FBXO31: variants seen among roughly 807,000 people sequenced by gnomAD.
FBXO31 encodes F-box protein 31.
A neutral mutation model predicts 54.4 loss-of-function variants in FBXO31; 24 were observed. The observed-to-expected ratio is 0.44, with a 90% CI of 0.32 to 0.62. The LOEUF (loss-of-function observed/expected upper bound fraction) is 0.62. Among genes scored for constraint, FBXO31 ranks in the 20% least tolerant of loss-of-function variants. FBXO31 has a pLI of 0.05. For synonymous variants in FBXO31, 388 were observed against 335.6 expected (o/e 1.16, Z -1.71); for missense variants, 665 against 787.1 (o/e 0.84, Z 1.86).
chr16:87,343,236 C>A (rs56175306), intron 4 of FBXO31, among the ~76,000 whole-genome samples: 7 of 152,244 alleles, frequency 4.6e-5, no homozygotes, highest in Non-Finnish European at 1.0e-4. Flanking sequence ...CAAGGTGTGG[C>A]AGATGACACG....
intron 2 of FBXO31, 25 bp downstream of exon 2, chr16:87,360,270 G>C: frequency 6.2e-7 from 1 of 1,602,848 alleles, no homozygotes; most frequent in Non-Finnish European, 8.5e-7. Flanking sequence ...GTTAATCATG[G>C]ATGGTAACAA....
Position 87,336,639 on chromosome 16 carries a change from C to G in FBXO31, c.733-375G>C, listed in dbSNP as rs1905053559. ...CATCTACACAGACTCTGGCCCTGCA[C>G]AGCACAGCCCCTCAGCCTGCTTCTC... On this transcript the variant is annotated intron_variant, in intron 5 of 8. Coordinates refer to ENST00000311635, the MANE Select transcript of FBXO31 (RefSeq NM_024735.5). The surrounding 1 kb of genome is among the most constrained non-coding windows in gnomAD (Gnocchi z 6.5). Among the ~76,000 whole-genome samples the G allele has an allele frequency of 1.3e-5, 2 of 152,132 alleles. No homozygotes were observed. The highest frequency in any genetic ancestry group is 4.8e-5 in the African/African-American group (2 of 41,420).
At chr16:87,387,979 G>A (rs996413321), upstream of FBXO31, among the ~76,000 whole-genome samples, 8 of 152,308 alleles carry the variant, frequency 5.3e-5, no homozygotes, top group South Asian at 2.1e-4. Flanking sequence ...TAAAATAAGC[G>A]GGCTGATGGA....
Position 87,331,377 on chromosome 16 carries a change from G to A in FBXO31, c.1531C>T (p.Arg511Trp). Residue 511 changes from arginine (R) to tryptophan (W), a missense_variant, in exon 9 of 9, where the codon CGG becomes TGG. By Grantham distance (101) the Arg-to-Trp change is moderately radical. Transcript: ENST00000311635. ...LELKSFSLYS[R>W]VQATFRNADA... ...GCGTTCCGGAAGGTGGCCTGGACCC[G>A]GCTGTACAGGCTGAAGGATTTCAGC... The A allele has an allele frequency of 1.2e-6, 2 of 1,613,942 alleles. No individual in the cohort carries two copies. The highest frequency in any genetic ancestry group is 1.7e-6 in the Non-Finnish European group (2 of 1,180,036).
At chr16:87,389,818 G>A (rs1263706045) in exon 1 of FBXO31, 2 of 152,134 alleles carry the variant, frequency 1.3e-5, no homozygotes, top group Non-Finnish European at 2.9e-5. Context: ...TCATGTGAAG[G>A]CACAGCTTCA....
chr16:87,344,337 G>A (rs1309092245), intron 3 of FBXO31, among the ~76,000 whole-genome samples: 1 of 152,256 alleles, frequency 6.6e-6, no homozygotes, highest in Non-Finnish European at 1.5e-5. Flanking sequence ...GGGCGCTCAG[G>A]AGCGGGAAGA....
chr16:87,327,904 T>G lies in FBXO31; in HGVS notation c.*3384A>C, dbSNP rs978084805. The G allele has an allele frequency of 6.6e-6, 1 of 152,156 alleles. No individual in the cohort carries two copies. Among genetic ancestry groups the G allele is most frequent in the African/African-American group, 2.4e-5 (1 of 41,430 alleles). 9.4% of individuals were successfully genotyped at this position (152,156 alleles called of 1,614,324 possible). A position where few individuals can be genotyped will look rare whatever the true frequency, so the allele number is the denominator to read the frequency against. The stretch of plus-strand genomic sequence containing the variant: ...TACACCACGAAGGCAGCAACCAGAA[T>G]AGAAACATCCTAAAAGAGCCTAGCT... On this transcript the variant is annotated 3_prime_UTR_variant, in exon 9 of 9. Transcript: ENST00000311635.
chr16:87,372,848 T>G (rs1906660626), intron 1 of FBXO31, among the ~76,000 whole-genome samples: 2 of 151,718 alleles, frequency 1.3e-5, no homozygotes, highest in Non-Finnish European at 2.9e-5. Flanking sequence ...TTAGTTCTTC[T>G]GCCTCAGCCT....
At position 87,360,864 on chromosome 16, in the gene FBXO31, T is replaced by C. The variant is rs140488821; in HGVS notation, c.341-498A>G. ...CAAGACATGGGGGAAGGGGTGAACA[T>C]TGTCCCTTCTCCACTGGCTAGGCTT... On this transcript the variant is annotated intron_variant, in intron 1 of 8. Transcript: ENST00000311635. Among the ~76,000 whole-genome samples, 1,205 of 152,216 alleles carry C rather than the reference T, an allele frequency of 7.9e-3. 16 individuals carry two copies. Among genetic ancestry groups the C allele is most frequent in the African/African-American group, 0.026 (1,082 of 41,538 alleles).
chr16:87,379,973 G>A (rs924455920), intron 1 of FBXO31, among the ~76,000 whole-genome samples: 3 of 151,534 alleles, frequency 2.0e-5, no homozygotes, highest in Middle Eastern at 3.4e-3. Flanking sequence ...ACTCCAGCCT[G>A]GGCAAGAGAG....
chr16:87,385,797 T>G (rs1471778746), upstream of FBXO31, among the ~76,000 whole-genome samples: 1 of 151,910 alleles, frequency 6.6e-6, no homozygotes, highest in African/African-American at 2.4e-5. Context: ...TCACCTGAGG[T>G]TGGGAGTTCA....
At chr16:87,344,172 C>T (rs1905283753) in intron 3 of FBXO31, among the ~76,000 whole-genome samples, 1 of 152,266 alleles carries the variant, frequency 6.6e-6, no homozygotes, top group Admixed American at 6.5e-5. Context: ...GACCGTGTGC[C>T]ACTTTTGTCA....
chr16:87,335,487 G>C lies in FBXO31; in HGVS notation c.843-30C>G, dbSNP rs1248278885. 6.6e-7 allele frequency: 1 copy of C among 1,510,854 alleles called. No homozygotes were observed. Among genetic ancestry groups the C allele is most frequent in the Admixed American group, 1.8e-5 (1 of 56,796 alleles). The allele number at this position is 1,510,854 out of a possible 1,614,324, so 93.6% of individuals were successfully genotyped here. A position where few individuals can be genotyped will look rare whatever the true frequency, so the allele number is the denominator to read the frequency against. On this transcript the variant is annotated intron_variant, in intron 6 of 8. Transcript: ENST00000311635. This position sits in a 1 kb window ranked among gnomAD's most constrained non-coding sequence, Gnocchi z 5.7. The stretch of plus-strand genomic sequence containing the variant: ...GGGGAGCGGACGGGTCAGTACAGGA[G>C]ACCTCGTGGGGCAGGCAGGACTGAG...
intron 2 of FBXO31, among the ~76,000 whole-genome samples, chr16:87,349,194 T>C (rs1330431658): frequency 6.6e-6 from 1 of 152,166 alleles, no homozygotes; most frequent in Non-Finnish European, 1.5e-5. Context: ...GATTCCAAAG[T>C]CCATGTGAAG....
chr16:87,339,391 C>A (rs575229044), intron 5 of FBXO31, among the ~76,000 whole-genome samples: 1 of 152,224 alleles, frequency 6.6e-6, no homozygotes, highest in Non-Finnish European at 1.5e-5. Flanking sequence ...CCTCTGAACC[C>A]CTACACGTCG....
At chr16:87,356,807 C>T (rs905290036) in intron 2 of FBXO31, among the ~76,000 whole-genome samples, 4 of 152,152 alleles carry the variant, frequency 2.6e-5, no homozygotes, top group Admixed American at 1.3e-4. Flanking sequence ...CATGGGCCAT[C>T]GGGGTGGACT....
intron 2 of FBXO31, among the ~76,000 whole-genome samples, chr16:87,356,845 C>T (rs1354335469): frequency 6.6e-6 from 1 of 152,196 alleles, no homozygotes; most frequent in Non-Finnish European, 1.5e-5. Context: ...CTCCACGAGC[C>T]TCTAGAAACT....
chr16:87,335,535 AGC>A lies in FBXO31; in HGVS notation c.843-80_843-79del. 1.3e-6 allele frequency: 1 copy of A among 753,772 alleles called. No homozygotes were observed. Among genetic ancestry groups the A allele is most frequent in the Non-Finnish European group, 2.0e-6 (1 of 498,982 alleles). 46.7% of individuals were successfully genotyped at this position (753,772 alleles called of 1,614,324 possible). On this transcript the variant is annotated intron_variant, in intron 6 of 8. Transcript: ENST00000311635. This position sits in a 1 kb window ranked among gnomAD's most constrained non-coding sequence, Gnocchi z 5.7. Reference sequence around the variant, plus strand: ...GAGAACGCCCAAGGTGCCAGGGATGAGCTTTGCAGGGCGGGGTAGGGCGGGCA... The same window carrying A: ...GAGAACGCCCAAGGTGCCAGGGATGATTTGCAGGGCGGGGTAGGGCGGGCA...
chr16:87,331,172 C>T lies in FBXO31; in HGVS notation c.*116G>A, dbSNP rs574805484. On this transcript the variant is annotated 3_prime_UTR_variant, in exon 9 of 9. Coordinates refer to ENST00000311635, the MANE Select transcript of FBXO31 (RefSeq NM_024735.5). ...GGGGTGGCTGGACTGGGCCCCCCGA[C>T]GAGGTGTGCGTTCTGGTCAAAAGGC... is the stretch of plus-strand genomic sequence containing the variant. The T allele has an allele frequency of 1.3e-4, 127 of 980,332 alleles. No homozygotes were observed. Among genetic ancestry groups the T allele is most frequent in the Middle Eastern group, 8.3e-4 (3 of 3,624 alleles). The allele number at this position is 980,332 out of a possible 1,614,324, so 60.7% of individuals were successfully genotyped here.
Sources: gnomAD v4.1 joint callset for allele counts (sites outside exome capture counted in the v4.1 genomes callset) on GRCh38, gnomAD v4.1.1 for gene constraint, Gnocchi (gnomAD v3.1) non-coding constraint, MANE v1.5 for transcripts, NCBI Gene and HGNC (gene_info 2026-07-23, HGNC 2026-07-21) for gene names.